Variants in LRRC4C observed in about 807,000 individuals in gnomAD.
LRRC4C encodes leucine rich repeat containing 4C.
LRRC4C carries 5 observed loss-of-function variants against 33.6 expected under a neutral mutation model. That is an observed-to-expected ratio of 0.15 (90% CI 0.08 to 0.31). The LOEUF (loss-of-function observed/expected upper bound fraction) is 0.31. Among genes scored for constraint, LRRC4C ranks in the 10% least tolerant of loss-of-function variants. The pLI, the probability that LRRC4C is intolerant of heterozygous loss-of-function variation, is 1.00. For missense variants in LRRC4C, 560 were observed against 796.7 expected (o/e 0.70, Z 3.58); for synonymous variants, 329 against 302.0 (o/e 1.09, Z -0.93).
chr11:41,066,719 G>C (rs1938268030), intron 1 of LRRC4C, among the ~76,000 whole-genome samples: 1 of 152,190 alleles, frequency 6.6e-6, no homozygotes, highest in Admixed American at 6.5e-5. Flanking sequence ...GGATTTCTCA[G>C]CAGAAACCCT....
chr11:41,259,397 T>A (rs561483312), intron 1 of LRRC4C, among the ~76,000 whole-genome samples: 3 of 152,050 alleles, frequency 2.0e-5, no homozygotes, highest in African/African-American at 7.2e-5. Context: ...CCCTATAGAT[T>A]TTGGAAATGT....
chr11:41,294,677 C>T (rs1950087602), intron 1 of LRRC4C, among the ~76,000 whole-genome samples: 1 of 151,900 alleles, frequency 6.6e-6, no homozygotes, highest in Admixed American at 6.6e-5. Context: ...TTTTATATTC[C>T]AATGGAACTC....
At chr11:40,915,767 G>A (rs1417816978) in intron 2 of LRRC4C, among the ~76,000 whole-genome samples, 7 of 152,094 alleles carry the variant, frequency 4.6e-5, no homozygotes, top group Non-Finnish European at 7.4e-5. Context: ...GCAACCTACA[G>A]AATGGGAGAA....
intron 3 of LRRC4C, among the ~76,000 whole-genome samples, chr11:40,433,661 G>A (rs1422911121): frequency 6.6e-6 from 1 of 152,172 alleles, no homozygotes; most frequent in East Asian, 1.9e-4. Flanking sequence ...ACATGTGCAT[G>A]CACATATATT....
chr11:41,086,418 T>C (rs1939994338), intron 1 of LRRC4C, among the ~76,000 whole-genome samples: 1 of 152,142 alleles, frequency 6.6e-6, no homozygotes, highest in Non-Finnish European at 1.5e-5. Context: ...TTTTAAATCA[T>C]GGGATTTATT....
intron 1 of LRRC4C, among the ~76,000 whole-genome samples, chr11:41,210,433 A>T (rs758292256): frequency 6.6e-6 from 1 of 152,118 alleles, no homozygotes; most frequent in South Asian, 2.1e-4. Context: ...ACCATGTAAG[A>T]CATGGCTTTC....
chr11:40,368,822 A>T lies in LRRC4C; in HGVS notation c.-269-49101T>A, dbSNP rs148660617. ...TGCAGACAAACAGACCAGATTTCAA[A>T]TGTGTTCTATCATGTAAAAATTGTG... On this transcript the variant is annotated intron_variant, in intron 3 of 6. Transcript: ENST00000528697. Among the ~76,000 whole-genome samples, 82 of 152,234 alleles carry T rather than the reference A, an allele frequency of 5.4e-4. 3 individuals are homozygous for T. The East Asian group carries it at 0.015, about 28-fold the overall frequency.
chr11:40,248,120 G>T (rs1447046450), intron 4 of LRRC4C, among the ~76,000 whole-genome samples: 3 of 152,014 alleles, frequency 2.0e-5, no homozygotes, highest in Admixed American at 2.0e-4. Context: ...CCCTACCTAG[G>T]ATGCCTCTCT....
chr11:41,429,821 T>A (rs963930110), intron 1 of LRRC4C, among the ~76,000 whole-genome samples: 71 of 151,582 alleles, frequency 4.7e-4, no homozygotes, highest in Non-Finnish European at 8.8e-4. Context: ...AACAAAAAAA[T>A]AAAAATAAAA....
chr11:40,589,698 G>C (rs1445197336), intron 3 of LRRC4C, among the ~76,000 whole-genome samples: 2 of 151,552 alleles, frequency 1.3e-5, no homozygotes, highest in Non-Finnish European at 2.9e-5. Flanking sequence ...CTCAGCATTT[G>C]CTTGTCTGTA....
chr11:40,298,985 A>G (rs571435194), intron 4 of LRRC4C, among the ~76,000 whole-genome samples: 1 of 152,172 alleles, frequency 6.6e-6, no homozygotes, highest in Non-Finnish European at 1.5e-5. Context: ...ATTCAAGATG[A>G]GATTTGGGTG....
intron 2 of LRRC4C, among the ~76,000 whole-genome samples, chr11:40,705,909 G>A (rs984953679): frequency 2.6e-5 from 4 of 152,150 alleles, no homozygotes; most frequent in African/African-American, 9.7e-5. Flanking sequence ...TAACTGGTGT[G>A]AGATGGTATC....
chr11:40,961,364 G>C (rs1331248311), intron 1 of LRRC4C, among the ~76,000 whole-genome samples: 1 of 151,606 alleles, frequency 6.6e-6, no homozygotes, highest in Non-Finnish European at 1.5e-5. Flanking sequence ...GAAGCAAGAA[G>C]GGCTACAAAC....
chr11:40,302,084 G>A (rs776644975), intron 4 of LRRC4C, among the ~76,000 whole-genome samples: 1 of 152,142 alleles, frequency 6.6e-6, no homozygotes, highest in African/African-American at 2.4e-5. Context: ...AACTGTGTTA[G>A]TTTTATAGGG....
At chr11:41,014,952 A>C (rs1855475135) in intron 1 of LRRC4C, among the ~76,000 whole-genome samples, 2 of 152,220 alleles carry the variant, frequency 1.3e-5, no homozygotes, top group South Asian at 2.1e-4. Flanking sequence ...TTTCTGACTC[A>C]AAGTCCAGTG....
At chr11:40,225,296 C>A (rs1177911448) in intron 5 of LRRC4C, among the ~76,000 whole-genome samples, 1 of 152,092 alleles carries the variant, frequency 6.6e-6, no homozygotes, top group African/African-American at 2.4e-5. Flanking sequence ...ATTAAGCTGA[C>A]TCTGAAACCA....
intron 1 of LRRC4C, among the ~76,000 whole-genome samples, chr11:41,295,009 C>T (rs1044039398): frequency 6.6e-6 from 1 of 152,142 alleles, no homozygotes; most frequent in African/African-American, 2.4e-5. Context: ...AGTACACTTA[C>T]ACACGGTTGT....
At chr11:40,319,200 T>C (rs191738480) in intron 4 of LRRC4C, among the ~76,000 whole-genome samples, 110 of 152,326 alleles carry the variant, frequency 7.2e-4, no homozygotes, top group African/African-American at 2.4e-3. Context: ...TTCCTTCTTC[T>C]TGGTCAGTAG....
chr11:41,374,582 A>T (rs1276720655), intron 1 of LRRC4C, among the ~76,000 whole-genome samples: 2 of 152,186 alleles, frequency 1.3e-5, no homozygotes, highest in Admixed American at 6.5e-5. Flanking sequence ...ACTATTTTAG[A>T]TTAATAAAAT....
Sources: allele counts gnomAD v4.1 joint callset (sites outside exome capture counted in the v4.1 genomes callset), GRCh38; gene constraint gnomAD v4.1.1; transcripts MANE v1.5; gene names NCBI Gene and HGNC (gene_info 2026-07-23, HGNC 2026-07-21).